ENTREP2: variants seen among roughly 807,000 people sequenced by gnomAD.
ENTREP2 encodes the protein protein ENTREP2.
the ENTREP2 span, among the ~76,000 whole-genome samples, chr15:29,215,236 A>G: frequency 6.6e-6 from 1 of 152,156 alleles, no homozygotes; most frequent in Admixed American, 6.5e-5. Flanking sequence ...GATACAAAGT[A>G]TTGATCCTGA....
the ENTREP2 span, among the ~76,000 whole-genome samples, chr15:29,575,790 T>G: frequency 6.6e-6 from 1 of 152,238 alleles, no homozygotes; most frequent in South Asian, 2.1e-4. Context: ...GGGAATAAAT[T>G]TAACCAAGGA....
the ENTREP2 span, among the ~76,000 whole-genome samples, chr15:29,135,445 C>T: frequency 1.3e-5 from 2 of 152,140 alleles, no homozygotes; most frequent in East Asian, 1.9e-4. This position sits in a 1 kb window ranked among gnomAD's most constrained non-coding sequence, Gnocchi z 7.4. Flanking sequence ...ATCCCTTGCA[C>T]TATGGGCCAC....
the ENTREP2 span, among the ~76,000 whole-genome samples, chr15:29,187,541 G>T: frequency 2.0e-5 from 3 of 152,134 alleles, no homozygotes; most frequent in Non-Finnish European, 4.4e-5. Flanking sequence ...CTCCCAAAGT[G>T]CTGGGATTAC....
the ENTREP2 span, among the ~76,000 whole-genome samples, chr15:29,668,866 A>T: frequency 6.6e-6 from 1 of 152,268 alleles, no homozygotes; most frequent in South Asian, 2.1e-4. Flanking sequence ...CGGTCAACAC[A>T]CCTGGACAGA....
the ENTREP2 span, among the ~76,000 whole-genome samples, chr15:29,200,512 C>CA: frequency 1.3e-5 from 2 of 151,216 alleles, no homozygotes; most frequent in Non-Finnish European, 2.9e-5. Flanking sequence ...TCATTGTCTC[C>CA]AAAAAAAGTG....
the ENTREP2 span, among the ~76,000 whole-genome samples, chr15:29,462,828 A>C: frequency 7.0e-3 from 1,067 of 152,238 alleles, 4 homozygotes; most frequent in Non-Finnish European, 0.012. Flanking sequence ...CACAGAAAAA[A>C]GAAATCCCAC....
chr15:29,452,202 C>T, the ENTREP2 span, among the ~76,000 whole-genome samples: 1 of 152,198 alleles, frequency 6.6e-6, no homozygotes, highest in African/African-American at 2.4e-5. Flanking sequence ...GTGTTACCCA[C>T]AACCATCTGC....
chr15:29,358,795 A>G, the ENTREP2 span, among the ~76,000 whole-genome samples: 1 of 152,176 alleles, frequency 6.6e-6, no homozygotes, highest in African/African-American at 2.4e-5. Flanking sequence ...TGTAAAAACA[A>G]GAAGATAAAA....
chr15:29,361,107 C>G, the ENTREP2 span, among the ~76,000 whole-genome samples: 1 of 152,198 alleles, frequency 6.6e-6, no homozygotes, highest in Non-Finnish European at 1.5e-5. Flanking sequence ...AGTCTACTCT[C>G]TGATCTACCC....
chr15:29,130,910 T>C, the ENTREP2 span, among the ~76,000 whole-genome samples: 1 of 152,184 alleles, frequency 6.6e-6, no homozygotes. Context: ...TTGAGTTCAG[T>C]GAGGAAGCTC....
the ENTREP2 span, among the ~76,000 whole-genome samples, chr15:29,159,372 AGAGT>A: frequency 6.6e-6 from 1 of 152,170 alleles, no homozygotes; most frequent in Non-Finnish European, 1.5e-5. Context: ...GTGGACCGAG[AGAGT>A]GAGCAGCAGC....
chr15:29,349,111 C>T, the ENTREP2 span, among the ~76,000 whole-genome samples: 2 of 152,146 alleles, frequency 1.3e-5, no homozygotes, highest in African/African-American at 4.8e-5. Context: ...CCAGACCCCC[C>T]GAAAGTTCAC....
chr15:29,231,908 T>TTTTTTTTTTTTAG, the ENTREP2 span, among the ~76,000 whole-genome samples: 1 of 149,964 alleles, frequency 6.7e-6, no homozygotes, highest in South Asian at 2.1e-4. Flanking sequence ...TTTTTTTTTT[T>TTTTTTTTTTTTAG]GAGACGGAGT....
At chr15:29,130,684 G>C in the ENTREP2 span, among the ~76,000 whole-genome samples, 1 of 152,148 alleles carries the variant, frequency 6.6e-6, no homozygotes, top group Non-Finnish European at 1.5e-5. Context: ...GTTTCCAGAG[G>C]AGGCAGCTCC....
At chr15:29,426,456 A>G in the ENTREP2 span, among the ~76,000 whole-genome samples, 1 of 151,914 alleles carries the variant, frequency 6.6e-6, no homozygotes, top group Non-Finnish European at 1.5e-5. Context: ...ACATGAATCA[A>G]ACCTAAAACA....
chr15:29,378,316 T>C, the ENTREP2 span, among the ~76,000 whole-genome samples: 12 of 152,152 alleles, frequency 7.9e-5, no homozygotes, highest in African/African-American at 2.9e-4. Context: ...GTTTACAGTA[T>C]TTTCTTTGGT....
At chr15:29,346,990 A>G in the ENTREP2 span, among the ~76,000 whole-genome samples, 1 of 152,202 alleles carries the variant, frequency 6.6e-6, no homozygotes, top group Non-Finnish European at 1.5e-5. Context: ...ATTTGCTTCC[A>G]ATGCGATCTG....
the ENTREP2 span, among the ~76,000 whole-genome samples, chr15:29,159,083 A>C: frequency 7.2e-5 from 11 of 152,194 alleles, no homozygotes; most frequent in Admixed American, 5.9e-4. Flanking sequence ...TATTGGTCTC[A>C]CTGACTTCAA....
the ENTREP2 span, among the ~76,000 whole-genome samples, chr15:29,448,113 AT>A: frequency 6.6e-6 from 1 of 152,108 alleles, no homozygotes; most frequent in Non-Finnish European, 1.5e-5. Flanking sequence ...AATTATTTAA[AT>A]TTTTTTGAAC....
Sources: allele counts gnomAD v4.1 joint callset (sites outside exome capture counted in the v4.1 genomes callset), GRCh38; gene constraint gnomAD v4.1.1; non-coding constraint Gnocchi (gnomAD v3.1); transcripts MANE v1.5; gene names NCBI Gene and HGNC (gene_info 2026-07-23, HGNC 2026-07-21).